ITGA2: variants seen among roughly 807,000 people sequenced by gnomAD.
The protein encoded by ITGA2 is integrin alpha-2.
Under a neutral mutation model 146.3 loss-of-function variants are expected in ITGA2, and 101 were observed. That is an observed-to-expected ratio of 0.69 (90% CI 0.59 to 0.81). The LOEUF is 0.81. Ranked by LOEUF, ITGA2 falls within the 40% of genes least tolerant of loss-of-function variation. ITGA2 has a pLI of 0.00. For synonymous variants in ITGA2, 477 were observed against 487.1 expected, an observed-to-expected ratio of 0.98 and a Z score of 0.27; for missense variants, 1,281 against 1,402.7, an observed-to-expected ratio of 0.91 and a Z score of 1.39.
intron 1 of ITGA2, among the ~76,000 whole-genome samples, chr5:52,995,050 G>A (rs35233): frequency 0.13 from 19,250 of 152,188 alleles, 1,333 homozygotes; most frequent in South Asian, 0.19. Flanking sequence ...AATAGGACTC[G>A]TCTCCTAGTT....
In ITGA2 at chr5:53,074,416, C is replaced by T; in HGVS notation, c.2603C>T (p.Ala868Val). 2.5e-6 allele frequency: 4 copies of T among 1,612,416 alleles called. No homozygotes were observed. Among genetic ancestry groups the T allele is most frequent in the Non-Finnish European group, 3.4e-6 (4 of 1,178,960 alleles). Residue 868 changes from alanine to valine, a missense_variant, in exon 21 of 30, where the codon GCT becomes GTT. Transcript: ENST00000296585. ...GGGACAGAAGTAACATGCCAGGTGG[C>T]TGCATCTCAGAAGTCTGTTGCCTGC... is the stretch of plus-strand genomic sequence containing the variant. ...VDGTEVTCQVAASQKSVACDV... is the reference protein window; with the variant it reads ...VDGTEVTCQVVASQKSVACDV...
intron 1 of ITGA2, among the ~76,000 whole-genome samples, chr5:52,991,605 A>G (rs181585605): frequency 1.3e-5 from 2 of 152,316 alleles, no homozygotes; most frequent in African/African-American, 4.8e-5. Context: ...GTATATACAT[A>G]TATATACCTG....
chr5:53,066,745 GT>G (rs1285011498), intron 15 of ITGA2, among the ~76,000 whole-genome samples: 1 of 151,670 alleles, frequency 6.6e-6, no homozygotes, highest in Non-Finnish European at 1.5e-5. Flanking sequence ...AAACTTTTAT[GT>G]GGAAAAAATA....
chr5:53,042,326 T>A (rs993593974), intron 3 of ITGA2, 105 bp downstream of exon 3: 1 of 812,776 alleles, frequency 1.2e-6, no homozygotes, highest in Admixed American at 1.8e-5. Flanking sequence ...AGACAGCTTT[T>A]TTTTGCCCTT....
intron 27 of ITGA2, among the ~76,000 whole-genome samples, chr5:53,086,068 C>A (rs1746145229): frequency 6.6e-6 from 1 of 151,984 alleles, no homozygotes; most frequent in Non-Finnish European, 1.5e-5. Flanking sequence ...CCATGCCCGG[C>A]TAATTTTTTA....
At chr5:52,997,016 G>A (rs1231676566) in intron 1 of ITGA2, among the ~76,000 whole-genome samples, 1 of 152,152 alleles carries the variant, frequency 6.6e-6, no homozygotes, top group Non-Finnish European at 1.5e-5. Flanking sequence ...AAAAGAAGTT[G>A]ATGTCTATTC....
intron 1 of ITGA2, among the ~76,000 whole-genome samples, chr5:52,993,200 C>T (rs1741061739): frequency 6.6e-6 from 1 of 152,162 alleles, no homozygotes; most frequent in South Asian, 2.1e-4. Context: ...CCTAAACCAC[C>T]TCTCTGGTCT....
At chr5:53,019,735 A>G (rs1742575736) in intron 1 of ITGA2, among the ~76,000 whole-genome samples, 1 of 152,072 alleles carries the variant, frequency 6.6e-6, no homozygotes, top group South Asian at 2.1e-4. Context: ...CATCTTGGCC[A>G]GGCTGGTCTT....
rs148898771 is a variant in ITGA2 at position 53,065,877 on chromosome 5, C to G, written c.1843C>G (p.Leu615Val). 7 of 1,612,034 alleles carry G rather than the reference C, an allele frequency of 4.3e-6. No individual in the cohort carries two copies. In the African/African-American group the frequency reaches 9.4e-5, roughly 22 times the overall value. The change falls in exon 15 of 30, where the codon CTC (leucine) becomes GTC (valine). Residue 615 changes from leucine to valine, a missense_variant. This residue lies in a region of ITGA2 where 795 missense variants were observed against 841.7 expected (regional missense o/e 0.94). Coordinates refer to ENST00000296585, the MANE Select transcript of ITGA2 (RefSeq NM_002203.4). ...LGSDGAFRSH[L>V]QYFGRSLDGY... ...ATCCGATGGAGCCTTTAGGAGCCAT[C>G]TCCAGTACTTTGGGAGGTCCTTGGA... is the stretch of plus-strand genomic sequence containing the variant.
In ITGA2 at chr5:53,067,198, TA is replaced by T; in HGVS notation, c.2026del (p.Ile676PhefsTer36). 1.2e-6 allele frequency: 2 copies of T among 1,611,798 alleles called. No homozygotes were observed. The highest frequency in any genetic ancestry group is 1.7e-6 in the Non-Finnish European group (2 of 1,178,796). Reference protein sequence around the residue: ...KITLVNKNAQIILKLCFSAKF... With the variant: ...KITLVNKNAQXILKLCFSAKF... ...ACTTTGGTCAACAAGAATGCTCAGATAATTCTCAAACTCTGCTTCAGTGCAA... is the reference window on the plus strand; with the variant it reads ...ACTTTGGTCAACAAGAATGCTCAGATATTCTCAAACTCTGCTTCAGTGCAA... On this transcript the variant is annotated frameshift_variant, in exon 16 of 30. Transcript: ENST00000296585. LOFTEE classifies it high-confidence loss of function.
intron 6 of ITGA2, among the ~76,000 whole-genome samples, chr5:53,050,650 A>T (rs747111713): frequency 1.8e-4 from 28 of 152,292 alleles, no homozygotes; most frequent in Admixed American, 5.9e-4. Flanking sequence ...TGTTCTGGAA[A>T]GCCCATCTCC....
At position 53,052,821 on chromosome 5, in the gene ITGA2, C is replaced by T. The variant is rs3212510; in HGVS notation, c.779+1262C>T. Among the ~76,000 whole-genome samples the T allele has an allele frequency of 6.0e-3, 909 of 152,260 alleles. 8 individuals are homozygous for T. The highest frequency in any genetic ancestry group is 0.021 in the African/African-American group (871 of 41,542). On this transcript the variant is annotated intron_variant, in intron 7 of 29. Transcript: ENST00000296585. ...TTTTTTCTTCACTAAACAGAGCCCT[C>T]TCTTCTTTACTGCTCTTCTCCTGTA...
intron 12 of ITGA2, among the ~76,000 whole-genome samples, chr5:53,061,619 C>A (rs955459648): frequency 5.3e-5 from 8 of 151,886 alleles, no homozygotes; most frequent in Non-Finnish European, 1.2e-4. Flanking sequence ...GGTAGTTAGA[C>A]CCTATGATGA....
At chr5:53,026,111 A>C (rs988898633) in intron 1 of ITGA2, among the ~76,000 whole-genome samples, 2 of 152,218 alleles carry the variant, frequency 1.3e-5, no homozygotes, top group Non-Finnish European at 2.9e-5. Context: ...AAAAGATATG[A>C]CACCAATCCC....
chr5:53,087,535 T>G (rs545545035), intron 28 of ITGA2, among the ~76,000 whole-genome samples: 1 of 151,732 alleles, frequency 6.6e-6, no homozygotes, highest in African/African-American at 2.4e-5. Context: ...TTTTAAAAAA[T>G]AGTTCTCCTT....
chr5:53,045,111 A>G lies in ITGA2; in HGVS notation c.387+19A>G. On this transcript the variant is annotated intron_variant, in intron 4 of 29. Transcript: ENST00000296585. ...TTTTCTCGTGAGTGTTTACTTTACA[A>G]ATCATTATTCCTCTCAAGAAAGTAC... 6.4e-7 allele frequency: 1 copy of G among 1,565,900 alleles called. No individual in the cohort carries two copies. The highest frequency in any genetic ancestry group is 1.3e-5 in the African/African-American group (1 of 74,152).
At position 53,042,223 on chromosome 5, in the gene ITGA2, T is replaced by C; in HGVS notation, c.295+2T>C. 1.9e-6 allele frequency: 3 copies of C among 1,555,952 alleles called. No homozygotes were observed. Among genetic ancestry groups the C allele is most frequent in the Non-Finnish European group, 2.7e-6 (3 of 1,126,958 alleles). ...CATGTGAAAAACTAAATTTGCAAAG[T>C]AAGTTTAAATTTACTTGCAAGGCAT... On this transcript the variant is annotated splice_donor_variant, in intron 3 of 29. Transcript: ENST00000296585. LOFTEE classifies it high-confidence loss of function.
intron 21 of ITGA2, 24 bp from the exon 22 acceptor site, chr5:53,075,037 G>A (rs778118975): frequency 6.5e-7 from 1 of 1,531,532 alleles, no homozygotes; most frequent in South Asian, 1.1e-5. Flanking sequence ...ATCATAGACT[G>A]AGAAATTTTA....
intron 1 of ITGA2, among the ~76,000 whole-genome samples, chr5:52,998,355 G>A (rs552609445): frequency 9.2e-5 from 14 of 152,272 alleles, no homozygotes; most frequent in African/African-American, 3.4e-4. Context: ...TCGAGAGGCT[G>A]AGGCAGGAGA....
Sources: allele counts gnomAD v4.1 joint callset (sites outside exome capture counted in the v4.1 genomes callset), GRCh38; gene constraint gnomAD v4.1.1; regional missense constraint gnomAD v4.1.1; transcripts MANE v1.5; gene names NCBI Gene and HGNC (gene_info 2026-07-23, HGNC 2026-07-21).